The following GRM7 variants were observed in gnomAD, a reference collection of about 807,000 sequenced individuals.
The protein encoded by GRM7 is metabotropic glutamate receptor 7.
In GRM7, 35 loss-of-function variants were observed where a neutral mutation model predicts 84.5. That is an observed-to-expected ratio of 0.41 (90% confidence interval 0.32 to 0.55). GRM7 has a LOEUF of 0.55. Among genes scored for constraint, GRM7 ranks in the 20% least tolerant of loss-of-function variants. The probability of loss-of-function intolerance (pLI) is 0.19; values close to 1 mark genes in which losing one functional copy is unlikely to be tolerated. For synonymous variants in GRM7, 487 were observed against 455.1 expected, an observed-to-expected ratio of 1.07 and a Z score of -0.89; for missense variants, 1,003 against 1,194.6, an observed-to-expected ratio of 0.84 and a Z score of 2.36.
intron 4 of GRM7, among the ~76,000 whole-genome samples, chr3:7,325,847 A>G (rs1017799303): frequency 1.3e-5 from 2 of 152,226 alleles, no homozygotes; most frequent in East Asian, 3.9e-4. Flanking sequence ...GCTTCCTCCC[A>G]AATTTGTTAG....
chr3:6,927,599 A>G (rs1011506741), intron 1 of GRM7, among the ~76,000 whole-genome samples: 2 of 152,210 alleles, frequency 1.3e-5, no homozygotes, highest in African/African-American at 4.8e-5. Context: ...AATATACTTT[A>G]GAGAGAATAA....
intron 2 of GRM7, among the ~76,000 whole-genome samples, chr3:7,245,262 T>A (rs1394427084): frequency 6.6e-6 from 1 of 151,878 alleles, no homozygotes; most frequent in Non-Finnish European, 1.5e-5. Context: ...TGACAAAATG[T>A]TTTAAAATGA....
At chr3:7,658,927 T>C (rs1270391741) in intron 8 of GRM7, among the ~76,000 whole-genome samples, 1 of 152,226 alleles carries the variant, frequency 6.6e-6, no homozygotes, top group Non-Finnish European at 1.5e-5. Flanking sequence ...AATACTATCA[T>C]TTTACATAAA....
intron 9 of GRM7, among the ~76,000 whole-genome samples, chr3:7,736,098 A>G (rs1447905321): frequency 6.6e-6 from 1 of 152,182 alleles, no homozygotes; most frequent in Non-Finnish European, 1.5e-5. Flanking sequence ...ATGCTATCTT[A>G]TTAATGTTTT....
chr3:7,323,630 A>G (rs1365040690), intron 4 of GRM7, among the ~76,000 whole-genome samples: 1 of 152,186 alleles, frequency 6.6e-6, no homozygotes, highest in African/African-American at 2.4e-5. Context: ...GCTGCTTCTT[A>G]TACTCTTTTC....
chr3:7,394,364 T>C (rs915396463), intron 4 of GRM7, among the ~76,000 whole-genome samples: 2 of 152,202 alleles, frequency 1.3e-5, no homozygotes, highest in East Asian at 1.9e-4. Flanking sequence ...AGAGAGGACA[T>C]GTAAAGTGTT....
At chr3:6,959,918 A>T (rs1559353175) in intron 1 of GRM7, among the ~76,000 whole-genome samples, 1 of 151,868 alleles carries the variant, frequency 6.6e-6, no homozygotes, top group Non-Finnish European at 1.5e-5. Context: ...TGTCTCTTGG[A>T]CTCTTATCTG....
chr3:7,178,119 T>A (rs1219190704), intron 2 of GRM7, among the ~76,000 whole-genome samples: 1 of 152,232 alleles, frequency 6.6e-6, no homozygotes, highest in African/African-American at 2.4e-5. Flanking sequence ...GCAAGACTTC[T>A]TAAAGAATCA....
intron 4 of GRM7, among the ~76,000 whole-genome samples, chr3:7,316,974 G>A (rs765017718): frequency 5.3e-5 from 8 of 152,118 alleles, no homozygotes; most frequent in Non-Finnish European, 1.0e-4. Flanking sequence ...AGCCAGACTG[G>A]CCAGTGAGGA....
At chr3:7,386,329 A>G (rs1162536630) in intron 4 of GRM7, among the ~76,000 whole-genome samples, 2 of 152,126 alleles carry the variant, frequency 1.3e-5, no homozygotes, top group Admixed American at 6.5e-5. Flanking sequence ...GCATGGGTAT[A>G]TTACGTGATG....
intron 8 of GRM7, among the ~76,000 whole-genome samples, chr3:7,591,234 A>C (rs1455449342): frequency 6.6e-6 from 1 of 152,210 alleles, no homozygotes; most frequent in Non-Finnish European, 1.5e-5. Flanking sequence ...ACTGTTAAAC[A>C]TAAAAAAGAC....
chr3:7,146,723 A>G, intron 2 of GRM7, 55 bp downstream of exon 2: 1 of 1,261,618 alleles, frequency 7.9e-7, no homozygotes, highest in Non-Finnish European at 1.1e-6. Flanking sequence ...TGTGGCTTGT[A>G]GAGTTCTCTT....
chr3:6,887,843 G>A (rs1432388417), intron 1 of GRM7, among the ~76,000 whole-genome samples: 4 of 151,994 alleles, frequency 2.6e-5, no homozygotes, highest in South Asian at 2.1e-4. Flanking sequence ...TTATACTTGC[G>A]CCAACAATGT....
At chr3:7,474,924 G>T (rs897571891) in intron 7 of GRM7, among the ~76,000 whole-genome samples, 1 of 152,178 alleles carries the variant, frequency 6.6e-6, no homozygotes, top group Non-Finnish European at 1.5e-5. Context: ...GAATGATTTT[G>T]TAAATTGTTA....
chr3:7,082,065 A>G (rs965941667), intron 1 of GRM7, among the ~76,000 whole-genome samples: 1 of 152,114 alleles, frequency 6.6e-6, no homozygotes, highest in African/African-American at 2.4e-5. Flanking sequence ...CAGAAAACCT[A>G]AGATAATAAA....
chr3:7,282,499 C>A (rs6766479), intron 2 of GRM7, among the ~76,000 whole-genome samples: 2 of 151,982 alleles, frequency 1.3e-5, no homozygotes, highest in Non-Finnish European at 2.9e-5. Flanking sequence ...CACTTGTCAT[C>A]ACTAGATCAT....
chr3:7,357,837 A>G (rs766411955), intron 4 of GRM7, among the ~76,000 whole-genome samples: 3 of 152,122 alleles, frequency 2.0e-5, no homozygotes, highest in Non-Finnish European at 4.4e-5. Context: ...AAAGTGGGAA[A>G]TGGAAAGACT....
chr3:7,442,011 C>T (rs188095076), intron 5 of GRM7, among the ~76,000 whole-genome samples: 482 of 150,148 alleles, frequency 3.2e-3, no homozygotes, highest in African/African-American at 0.012. Flanking sequence ...TTTTCTAATT[C>T]TGTGAAGAAT....
At chr3:7,677,774 T>A (rs1035839097) in intron 8 of GRM7, among the ~76,000 whole-genome samples, 3 of 152,152 alleles carry the variant, frequency 2.0e-5, no homozygotes, top group African/African-American at 7.2e-5. Flanking sequence ...GGGTACATAG[T>A]CAAAAGACAA....
Sources: allele counts gnomAD v4.1 joint callset (sites outside exome capture counted in the v4.1 genomes callset), GRCh38; gene constraint gnomAD v4.1.1; transcripts MANE v1.5; gene names NCBI Gene and HGNC (gene_info 2026-07-23, HGNC 2026-07-21).